The following CA10 variants were observed in gnomAD, a reference collection of about 807,000 sequenced individuals.
CA10 encodes the protein carbonic anhydrase 10 (inactive), also known as carbonic anhydrase-related protein 10.
CA10 carries 14 observed loss-of-function variants against 44.2 expected under a neutral mutation model. The ratio of observed to expected loss-of-function variants is 0.32; its 90% CI spans 0.21 to 0.50. The LOEUF (loss-of-function observed/expected upper bound fraction) is 0.50. CA10 is among the 20% of genes least tolerant of loss of function. The probability of loss-of-function intolerance (pLI) is 0.99; values close to 1 mark genes in which losing one functional copy is unlikely to be tolerated. For missense variants in CA10, 350 were observed against 409.7 expected (o/e 0.85, Z 1.26); for synonymous variants, 159 against 141.6 (o/e 1.12, Z -0.87).
At chr17:51,668,964 C>G (rs941216716) in intron 4 of CA10, among the ~76,000 whole-genome samples, 3 of 152,244 alleles carry the variant, frequency 2.0e-5, no homozygotes, top group African/African-American at 7.2e-5. Context: ...GCTGGCCTGC[C>G]TGCACCAAGC....
chr17:51,866,623 A>AAC (rs976856101), intron 3 of CA10, among the ~76,000 whole-genome samples: 1 of 152,134 alleles, frequency 6.6e-6, no homozygotes, highest in Non-Finnish European at 1.5e-5. Flanking sequence ...TCATTGAACT[A>AAC]ACACTCAAGA....
rs142091126 is a variant in CA10, at chr17:52,000,575, C to T, written c.137-69443G>A. Among the ~76,000 whole-genome samples the T allele has an allele frequency of 2.5e-3, 383 of 152,032 alleles. 1 individual carries two copies. Among genetic ancestry groups the T allele is most frequent in the African/African-American group, 8.6e-3 (359 of 41,504 alleles). On this transcript the variant is annotated intron_variant, in intron 2 of 8. Coordinates refer to ENST00000451037, the MANE Select transcript of CA10 (RefSeq NM_020178.5). ...AGTAATCTTGAAATGCTGTTAACAC[C>T]CACTTAAGAGGAAATAAGCACAGAG...
chr17:51,777,726 C>T (rs1905881214), intron 3 of CA10, among the ~76,000 whole-genome samples: 1 of 152,142 alleles, frequency 6.6e-6, no homozygotes, highest in Non-Finnish European at 1.5e-5. Context: ...AGCCTAAGAG[C>T]TCAAGACCAG....
intron 1 of CA10, among the ~76,000 whole-genome samples, chr17:52,145,967 A>T (rs565982518): frequency 2.6e-5 from 4 of 152,334 alleles, no homozygotes; most frequent in South Asian, 4.1e-4. Context: ...ACTAGAAACA[A>T]CATATATGCT....
chr17:52,034,342 C>T (rs1202865897), intron 2 of CA10, among the ~76,000 whole-genome samples: 3 of 151,950 alleles, frequency 2.0e-5, no homozygotes, highest in Non-Finnish European at 4.4e-5. Flanking sequence ...TATGTACAGC[C>T]TATGTCAATT....
chr17:51,963,407 A>T (rs1171782057), intron 2 of CA10, among the ~76,000 whole-genome samples: 2 of 152,190 alleles, frequency 1.3e-5, no homozygotes, highest in African/African-American at 4.8e-5. Context: ...AGATACAAGA[A>T]ATCCAGAGAA....
rs1022408916 is a variant in CA10 at position 51,747,693 on chromosome 17, A to G, written c.405T>C (p.Phe135=). ...SHRLEEIRLH[F]GSEDSQGSEH... ...CCGACCCTTGGCTGTCCTCACTCCCAAAGTGTAGTCGGATCTCCTCCAGCC... is the reference window on the plus strand; with the variant it reads ...CCGACCCTTGGCTGTCCTCACTCCCGAAGTGTAGTCGGATCTCCTCCAGCC... The change falls in exon 4 of 9, where the codon TTT becomes TTC. Residue 135 remains phenylalanine (F), a synonymous_variant. Coordinates refer to ENST00000451037, the MANE Select transcript of CA10 (RefSeq NM_020178.5). 4 of 1,614,156 alleles carry G rather than the reference A, an allele frequency of 2.5e-6. No homozygotes were observed. The Admixed American group carries it at 5.0e-5, about 20-fold the overall frequency.
At chr17:51,805,784 G>A (rs1182476658) in intron 3 of CA10, among the ~76,000 whole-genome samples, 1 of 152,042 alleles carries the variant, frequency 6.6e-6, no homozygotes, top group African/African-American at 2.4e-5. Context: ...TCCCACCCCT[G>A]GGCAACCACT....
chr17:51,631,322 A>AAG lies in CA10; in HGVS notation c.*260_*261dup, dbSNP rs1443899090. ...CTTGACTTCCCATGATGGAGGTTGT[A>AAG]AGAGTGTGTGTGTGTGTAGGTATGT... On this transcript the variant is annotated 3_prime_UTR_variant, in exon 9 of 9. Transcript: ENST00000451037. The AAG allele has an allele frequency of 7.1e-5, 32 of 452,246 alleles. No homozygotes were observed. The highest frequency in any genetic ancestry group is 1.8e-4 in the African/African-American group (9 of 49,800). 28.0% of individuals were successfully genotyped at this position (452,246 alleles called of 1,614,324 possible). A position where few individuals can be genotyped will look rare whatever the true frequency, so the allele number is the denominator to read the frequency against.
At chr17:51,734,692 C>G (rs1916839403) in intron 4 of CA10, among the ~76,000 whole-genome samples, 1 of 152,170 alleles carries the variant, frequency 6.6e-6, no homozygotes, top group African/African-American at 2.4e-5. Flanking sequence ...AGGGCGATTC[C>G]TTGCAGGACC....
Position 52,114,152 on chromosome 17 carries a change from T to C in CA10, c.62-41759A>G, listed in dbSNP as rs575349005. On this transcript the variant is annotated intron_variant, in intron 1 of 8. Coordinates refer to ENST00000451037, the MANE Select transcript of CA10 (RefSeq NM_020178.5). ...GTGAGTCTCCTGAATGAAGCTTCTT[T>C]ATCATATTCACCAATTCACTGCATC... Among the ~76,000 whole-genome samples, 21 of 151,184 alleles carry C rather than the reference T, an allele frequency of 1.4e-4. No individual in the cohort carries two copies. In the South Asian group the frequency reaches 4.2e-3, roughly 30 times the overall value.
intron 2 of CA10, among the ~76,000 whole-genome samples, chr17:51,934,278 T>C (rs886278068): frequency 5.9e-5 from 9 of 152,060 alleles, no homozygotes; most frequent in African/African-American, 2.2e-4. Context: ...TCCTCCACTC[T>C]AGGTCACACA....
intron 3 of CA10, among the ~76,000 whole-genome samples, chr17:51,754,416 T>TATATA (rs1270762757): frequency 8.8e-5 from 6 of 68,298 alleles, no homozygotes; most frequent in Non-Finnish European, 1.2e-4. Context: ...TATATATATA[T>TATATA]ATATATATAT....
chr17:51,720,094 G>T (rs185041417), intron 4 of CA10, among the ~76,000 whole-genome samples: 1 of 152,122 alleles, frequency 6.6e-6, no homozygotes, highest in Non-Finnish European at 1.5e-5. Flanking sequence ...TTTGGTTTTT[G>T]TCTGTGGTTC....
At chr17:51,999,166 G>T (rs570646126) in intron 2 of CA10, among the ~76,000 whole-genome samples, 1 of 152,010 alleles carries the variant, frequency 6.6e-6, no homozygotes, top group Admixed American at 6.6e-5. Context: ...AGCAAGCGTT[G>T]TTTGGGGTAC....
chr17:51,874,957 TTTC>T (rs1355943992), intron 3 of CA10, among the ~76,000 whole-genome samples: 44 of 66,654 alleles, frequency 6.6e-4, no homozygotes, highest in East Asian at 1.6e-3. Flanking sequence ...TCTGTTTTTT[TTTC>T]TTTTTTTTCT....
chr17:51,717,103 GT>G, intron 4 of CA10, among the ~76,000 whole-genome samples: 1 of 152,288 alleles, frequency 6.6e-6, no homozygotes, highest in South Asian at 2.1e-4. Context: ...AATTTCCTGA[GT>G]GATAGGAGTG....
chr17:52,107,019 C>T (rs559698258), intron 1 of CA10, among the ~76,000 whole-genome samples: 12 of 152,154 alleles, frequency 7.9e-5, no homozygotes, highest in Non-Finnish European at 1.6e-4. Flanking sequence ...GAATATTCTG[C>T]TTCCTGAAAG....
At chr17:52,120,427 CTTA>C (rs1988989206) in intron 1 of CA10, among the ~76,000 whole-genome samples, 1 of 99,172 alleles carries the variant, frequency 1.0e-5, no homozygotes, top group African/African-American at 6.5e-5. Flanking sequence ...TATCCTTATC[CTTA>C]TCCTTATCCT....
Sources: allele counts gnomAD v4.1 joint callset (sites outside exome capture counted in the v4.1 genomes callset), GRCh38; gene constraint gnomAD v4.1.1; transcripts MANE v1.5; gene names NCBI Gene and HGNC (gene_info 2026-07-23, HGNC 2026-07-21).